The following ADAMTSL1 variants were observed in gnomAD, a reference collection of about 807,000 sequenced individuals.
ADAMTSL1 encodes the protein ADAMTS-like protein 1.
Under a neutral mutation model 201.8 loss-of-function variants are expected in ADAMTSL1, and 126 were observed. The ratio of observed to expected loss-of-function variants is 0.62; its 90% CI spans 0.54 to 0.72. ADAMTSL1 has a LOEUF of 0.72. Among genes scored for constraint, ADAMTSL1 ranks in the 30% least tolerant of loss-of-function variants. ADAMTSL1 has a pLI of 0.00. For synonymous variants in ADAMTSL1, 1,121 were observed against 903.4 expected, an observed-to-expected ratio of 1.24 and a Z score of -4.32; for missense variants, 2,679 against 2,277.8, an observed-to-expected ratio of 1.18 and a Z score of -3.59.
At chr9:18,767,311 A>T (rs892724213) in intron 16 of ADAMTSL1, among the ~76,000 whole-genome samples, 1 of 152,224 alleles carries the variant, frequency 6.6e-6, no homozygotes, top group Admixed American at 6.5e-5. Flanking sequence ...CAGTAAGTTC[A>T]TGGAAGAATC....
At chr9:18,801,253 A>G (rs187264343) in intron 20 of ADAMTSL1, among the ~76,000 whole-genome samples, 107 of 152,348 alleles carry the variant, frequency 7.0e-4, no homozygotes, top group African/African-American at 2.5e-3. Context: ...AATCAGGTTA[A>G]AACTATTTTT....
At chr9:18,334,190 T>G (rs149748616) in intron 2 of ADAMTSL1, among the ~76,000 whole-genome samples, 1 of 152,248 alleles carries the variant, frequency 6.6e-6, no homozygotes, top group Non-Finnish European at 1.5e-5. Flanking sequence ...GGGAGAAGTG[T>G]GTGCCTAAAT....
At chr9:18,029,839 A>G (rs1450050244) in intron 1 of ADAMTSL1, among the ~76,000 whole-genome samples, 1 of 152,232 alleles carries the variant, frequency 6.6e-6, no homozygotes, top group East Asian at 1.9e-4. Context: ...AATCAAAACC[A>G]CAATGAGATA....
rs146091119 is a variant in ADAMTSL1 at position 17,954,187 on chromosome 9, G to A, written c.87+47265G>A. Among the ~76,000 whole-genome samples the A allele has an allele frequency of 1.5e-3, 234 of 152,296 alleles. 1 individual carries two copies. Among genetic ancestry groups the A allele is most frequent in the African/African-American group, 5.2e-3 (217 of 41,562 alleles). On this transcript the variant is annotated intron_variant, in intron 1 of 29. Coordinates refer to the ADAMTSL1 transcript ENST00000680146. Reference sequence around the variant, plus strand: ...CATGGGAAGAATGCTGTGAGGAAGGGTAAAACTTCCTAAATGGCAGCTGGC... The same window carrying A: ...CATGGGAAGAATGCTGTGAGGAAGGATAAAACTTCCTAAATGGCAGCTGGC...
At chr9:18,262,036 C>T (rs546631618) in intron 2 of ADAMTSL1, among the ~76,000 whole-genome samples, 10 of 151,958 alleles carry the variant, frequency 6.6e-5, no homozygotes, top group Admixed American at 3.3e-4. Flanking sequence ...CTAGACATGC[C>T]GGGACTTGTA....
At chr9:18,018,901 A>C (rs1462309794) in intron 1 of ADAMTSL1, among the ~76,000 whole-genome samples, 3 of 152,106 alleles carry the variant, frequency 2.0e-5, no homozygotes, top group African/African-American at 4.8e-5. Context: ...GCCATAACAA[A>C]TACATAAAAT....
intron 5 of ADAMTSL1, among the ~76,000 whole-genome samples, chr9:18,630,342 G>GT (rs1462879588): frequency 6.6e-6 from 1 of 152,132 alleles, no homozygotes; most frequent in Non-Finnish European, 1.5e-5. Flanking sequence ...TAATTCTTTT[G>GT]TGTAGTTCTT....
At chr9:18,485,218 A>G in intron 1 of ADAMTSL1, among the ~76,000 whole-genome samples, 1 of 151,980 alleles carries the variant, frequency 6.6e-6, no homozygotes, top group East Asian at 1.9e-4. Flanking sequence ...TCATGTCTCA[A>G]CTCTCCGGTT....
intron 23 of ADAMTSL1, among the ~76,000 whole-genome samples, chr9:18,867,672 GGTGGAGTGCAGTGGTGTGATCTC>G (rs1357306212): frequency 6.6e-6 from 1 of 152,090 alleles, no homozygotes; most frequent in African/African-American, 2.4e-5. Flanking sequence ...CTGTCGCCCA[GGTGGAGTGCAGTGGTGTGATCTC>G]AGCTCACTGC....
At chr9:18,264,573 A>C (rs1347981683) in intron 2 of ADAMTSL1, among the ~76,000 whole-genome samples, 1 of 152,188 alleles carries the variant, frequency 6.6e-6, no homozygotes, top group African/African-American at 2.4e-5. Context: ...ACCCCAAGGA[A>C]GCTGAATGAA....
At chr9:18,859,631 A>G (rs1827083040) in intron 23 of ADAMTSL1, among the ~76,000 whole-genome samples, 2 of 152,206 alleles carry the variant, frequency 1.3e-5, no homozygotes, top group South Asian at 2.1e-4. Flanking sequence ...GCAATTTAGC[A>G]ATGTATATCA....
intron 4 of ADAMTSL1, among the ~76,000 whole-genome samples, chr9:18,579,148 T>C (rs1426061886): frequency 6.6e-6 from 1 of 150,924 alleles, no homozygotes; most frequent in Non-Finnish European, 1.5e-5. Flanking sequence ...ATATACACCA[T>C]GGAATACTAT....
At chr9:18,370,278 C>G (rs981256454) in intron 2 of ADAMTSL1, among the ~76,000 whole-genome samples, 2 of 148,368 alleles carry the variant, frequency 1.3e-5, no homozygotes, top group African/African-American at 5.0e-5. Flanking sequence ...AAGACTCCAT[C>G]TCAAAAAAAA....
chr9:18,533,242 C>T lies in ADAMTSL1; in HGVS notation c.192-5C>T. On this transcript the variant is annotated splice_polypyrimidine_tract_variant and splice_region_variant and intron_variant, in intron 2 of 28. Coordinates refer to ENST00000380548, the MANE Select transcript of ADAMTSL1 (RefSeq NM_001040272.6). The stretch of plus-strand genomic sequence containing the variant: ...TAATATTTCTTTTTTCTTTTTGCAA[C>T]TTAGGAGCTGTGAAGGAAGAAATAT... 1 of 1,603,832 alleles carries T rather than the reference C, an allele frequency of 6.2e-7. No individual in the cohort carries two copies. Among genetic ancestry groups the T allele is most frequent in the Non-Finnish European group, 8.5e-7 (1 of 1,175,458 alleles).
intron 2 of ADAMTSL1, among the ~76,000 whole-genome samples, chr9:18,277,290 T>G (rs1587452020): frequency 6.6e-6 from 1 of 152,172 alleles, no homozygotes; most frequent in East Asian, 1.9e-4. Flanking sequence ...GTCCACAGTT[T>G]CCTTGTTGAT....
chr9:18,451,571 C>T (rs570964710), intron 2 of ADAMTSL1, among the ~76,000 whole-genome samples: 1 of 152,162 alleles, frequency 6.6e-6, no homozygotes, highest in Non-Finnish European at 1.5e-5. Context: ...TCAACCAGCT[C>T]TTGTGTAAAT....
chr9:18,796,105 A>G (rs1311994844), intron 20 of ADAMTSL1, among the ~76,000 whole-genome samples: 3 of 152,160 alleles, frequency 2.0e-5, no homozygotes, highest in African/African-American at 7.2e-5. Context: ...GAACATTGCA[A>G]CTCAGAGTAC....
At position 18,574,031 on chromosome 9, in the gene ADAMTSL1, A is replaced by G. The variant is rs1344414523; in HGVS notation, c.239A>G (p.Asp80Gly). The G allele has an allele frequency of 6.2e-7, 1 of 1,612,286 alleles. No homozygotes were observed. The highest frequency in any genetic ancestry group is 8.5e-7 in the Non-Finnish European group (1 of 1,179,084). ...NIRYRTCSNV[D>G]CPPEAGDFRA... is the part of the protein sequence containing the mutation. ...GTCCTTTCTCTCTTTTTTCTCCAGG[A>G]CTGCCCACCAGAAGCAGGTGATTTC... is the stretch of plus-strand genomic sequence containing the variant. Residue 80 changes from aspartate to glycine, a missense_variant and splice_region_variant, in exon 4 of 29, where the codon GAC becomes GGC. Transcript: ENST00000380548.
At chr9:18,566,243 C>T (rs745746050) in intron 3 of ADAMTSL1, among the ~76,000 whole-genome samples, 28 of 152,128 alleles carry the variant, frequency 1.8e-4, no homozygotes, top group Non-Finnish European at 3.7e-4. Context: ...GGAGTTCCCA[C>T]AATAAAAAAT....
Sources: allele counts gnomAD v4.1 joint callset (sites outside exome capture counted in the v4.1 genomes callset), GRCh38; gene constraint gnomAD v4.1.1; transcripts MANE v1.5; gene names NCBI Gene and HGNC (gene_info 2026-07-23, HGNC 2026-07-21).